Variants in TRAPPC4 observed in about 807,000 individuals in gnomAD.
TRAPPC4 encodes trafficking protein particle complex subunit 4, also known as TRS23 homolog.
TRAPPC4 carries 30 observed loss-of-function variants against 23.5 expected under a neutral mutation model. The ratio of observed to expected loss-of-function variants is 1.28; its 90% CI spans 0.96 to 1.73. The LOEUF (loss-of-function observed/expected upper bound fraction) is 1.73. TRAPPC4 is among the 40% of genes most tolerant of loss of function. The pLI is 0.00. For synonymous variants in TRAPPC4, 129 were observed against 105.3 expected, an observed-to-expected ratio of 1.23 and a Z score of -1.38; for missense variants, 252 against 268.9, an observed-to-expected ratio of 0.94 and a Z score of 0.44.
chr11:119,021,865 A>G lies in TRAPPC4; in HGVS notation c.560A>G (p.Tyr187Cys), dbSNP rs782784403. The G allele has an allele frequency of 1.1e-5, 18 of 1,614,060 alleles. No individual in the cohort carries two copies. Among genetic ancestry groups the G allele is most frequent in the South Asian group, 3.3e-5 (3 of 91,088 alleles). ...YSDFALKNPF[Y>C]SLEMPIRCEL... The stretch of plus-strand genomic sequence containing the variant: ...GACTTTGCCCTCAAGAATCCATTCT[A>G]TTCCTTAGAAATGCCTATCAGGTAA... Residue 187 changes from tyrosine (Y) to cysteine (C), a missense_variant, in exon 4 of 5, where the codon TAT becomes TGT. Tyr to Cys is a radical substitution (Grantham distance 194). Coordinates refer to ENST00000533632, the MANE Select transcript of TRAPPC4 (RefSeq NM_016146.6).
chr11:119,023,474 A>G lies in TRAPPC4; in HGVS notation c.*75A>G. The stretch of plus-strand genomic sequence containing the variant: ...TACTGCTGTTGACACTCCAGTGGAA[A>G]TCCCAGCAGCCTTGTTAGTGCACTT... On this transcript the variant is annotated 3_prime_UTR_variant, in exon 5 of 5. Coordinates refer to ENST00000533632, the MANE Select transcript of TRAPPC4 (RefSeq NM_016146.6). 1 of 1,429,600 alleles carries G rather than the reference A, an allele frequency of 7.0e-7. No individual in the cohort carries two copies. The highest frequency in any genetic ancestry group is 2.3e-5 in the East Asian group (1 of 43,806). The allele number at this position is 1,429,600 out of a possible 1,614,324, so 88.6% of individuals were successfully genotyped here. A position where few individuals can be genotyped will look rare whatever the true frequency, so the allele number is the denominator to read the frequency against.
At position 119,021,783 on chromosome 11, in the gene TRAPPC4, G is replaced by C; in HGVS notation, c.478G>C (p.Asp160His). The C allele has an allele frequency of 6.2e-7, 1 of 1,614,180 alleles. No homozygotes were observed. The highest frequency in any genetic ancestry group is 2.2e-5 in the East Asian group (1 of 44,874). The stretch of plus-strand genomic sequence containing the variant: ...AGGGATCAAGTTTGTGGTTCTAGCA[G>C]ATCCTAGGCAAGCTGGAATAGATTC... ...LTGIKFVVLA[D>H]PRQAGIDSLL... Residue 160 changes from aspartate to histidine, a missense_variant, in exon 4 of 5, where the codon GAT (aspartate) becomes CAT (histidine). This residue lies in a region of TRAPPC4 where 222 missense variants were observed against 217.8 expected (regional missense o/e 1.02). Coordinates refer to ENST00000533632, the MANE Select transcript of TRAPPC4 (RefSeq NM_016146.6).
At chr11:119,023,132 T>G in intron 4 of TRAPPC4, 189 bp from the exon 5 acceptor site, 3 of 467,424 alleles carry the variant, frequency 6.4e-6, no homozygotes, top group Non-Finnish European at 7.9e-6. Context: ...GCCTGGCTAA[T>G]TTTTGTATTT....
At chr11:119,019,025 T>C in intron 1 of TRAPPC4, 55 bp downstream of exon 1, 1 of 1,595,422 alleles carries the variant, frequency 6.3e-7, no homozygotes, top group Non-Finnish European at 8.5e-7. Flanking sequence ...CCCAGTGCTG[T>C]AGAAGTGGGC....
chr11:119,019,473 G>A, intron 2 of TRAPPC4, 156 bp downstream of exon 2: 5 of 793,084 alleles, frequency 6.3e-6, no homozygotes, highest in Non-Finnish European at 9.7e-6. Context: ...GGGAGGGGCC[G>A]CGGAGTTACC....
At chr11:119,023,212 A>T (rs1009527519) in intron 4 of TRAPPC4, 109 bp from the exon 5 acceptor site, 1 of 1,014,590 alleles carries the variant, frequency 9.9e-7, no homozygotes, top group Non-Finnish European at 1.5e-6. Flanking sequence ...TGATCCGCCC[A>T]CCTCAGCCTT....
chr11:119,022,457 G>A (rs1332262213), intron 4 of TRAPPC4, among the ~76,000 whole-genome samples: 3 of 152,228 alleles, frequency 2.0e-5, no homozygotes, highest in Non-Finnish European at 2.9e-5. Context: ...GTGTGGTGGC[G>A]GACACCTGTA....
chr11:119,019,172 A>T lies in TRAPPC4; in HGVS notation c.205A>T (p.Met69Leu), dbSNP rs782606962. 6.2e-7 allele frequency: 1 copy of T among 1,614,186 alleles called. No homozygotes were observed. Among genetic ancestry groups the T allele is most frequent in the Non-Finnish European group, 8.5e-7 (1 of 1,180,028 alleles). ...VGHAVLAING[M>L]DVNGRYTADG... is the part of the protein sequence containing the mutation. ...TCATGCAGTGCTGGCCATCAATGGCATGGACGTGAATGGCAGGTACACGGC... is the reference window on the plus strand; with the variant it reads ...TCATGCAGTGCTGGCCATCAATGGCTTGGACGTGAATGGCAGGTACACGGC... The change falls in exon 2 of 5, where the codon ATG (methionine) becomes TTG (leucine). Residue 69 changes from methionine to leucine, a missense_variant. Physicochemically the swap from Met to Leu is conservative, Grantham distance 15. Transcript: ENST00000533632.
intron 4 of TRAPPC4, 23 bp from the exon 5 acceptor site, chr11:119,023,298 T>C (rs782495737): frequency 6.2e-6 from 10 of 1,613,454 alleles, no homozygotes; most frequent in South Asian, 5.5e-5. Flanking sequence ...ACACTTTTTT[T>C]CCTCACCCTG....
At chr11:119,019,064 G>A in intron 1 of TRAPPC4, 79 bp from the exon 2 acceptor site, 1 of 1,591,226 alleles carries the variant, frequency 6.3e-7, no homozygotes. Context: ...TGGGGGAAAA[G>A]GGGTTGTGTC....
At position 119,024,036 on chromosome 11, in the gene TRAPPC4, T is replaced by TA. The variant is rs1275716309; in HGVS notation, c.*637_*638insA. On this transcript the variant is annotated 3_prime_UTR_variant, in exon 5 of 5. Coordinates refer to ENST00000533632, the MANE Select transcript of TRAPPC4 (RefSeq NM_016146.6). ...TTAGCAGACTTTCTGCCTCAAAGTTTCCAAGCTAGTTACTGACAGTCTGGG... is the reference window on the plus strand; with the variant it reads ...TTAGCAGACTTTCTGCCTCAAAGTTTACCAAGCTAGTTACTGACAGTCTGGG... The TA allele has an allele frequency of 6.5e-6, 1 of 152,736 alleles. No individual in the cohort carries two copies. The highest frequency in any genetic ancestry group is 1.5e-5 in the Non-Finnish European group (1 of 68,442). 9.5% of individuals were successfully genotyped at this position (152,736 alleles called of 1,614,324 possible).
rs188702380 is a variant in TRAPPC4 at position 119,021,149 on chromosome 11, A to C, written c.455-611A>C. The C allele has an allele frequency of 2.0e-5, 3 of 152,330 alleles. No individual in the cohort carries two copies. In the East Asian group the frequency reaches 5.8e-4, roughly 29 times the overall value. 9.4% of individuals were successfully genotyped at this position (152,330 alleles called of 1,614,324 possible). A position where few individuals can be genotyped will look rare whatever the true frequency, so the allele number is the denominator to read the frequency against. ...GGTGATCCACCTGCCTCTGCCTCCC[A>C]CAGTGCTGGGATTACAGGCATGAGC... is the stretch of plus-strand genomic sequence containing the variant. On this transcript the variant is annotated intron_variant, in intron 3 of 4. Coordinates refer to ENST00000533632, the MANE Select transcript of TRAPPC4 (RefSeq NM_016146.6).
rs946758051 is a variant in TRAPPC4, at chr11:119,023,680, C to T, written c.*281C>T. ...TTTGATCTTGGTGTTTGCAATCTGT[C>T]TTAATCGATGGTTTTGGGGGAAAGA... On this transcript the variant is annotated 3_prime_UTR_variant, in exon 5 of 5. Coordinates refer to ENST00000533632, the MANE Select transcript of TRAPPC4 (RefSeq NM_016146.6). 7.6e-6 allele frequency: 2 copies of T among 262,162 alleles called. No individual in the cohort carries two copies. The highest frequency in any genetic ancestry group is 1.4e-5 in the Non-Finnish European group (2 of 137,982). 16.2% of individuals were successfully genotyped at this position (262,162 alleles called of 1,614,324 possible). A position where few individuals can be genotyped will look rare whatever the true frequency, so the allele number is the denominator to read the frequency against.
chr11:119,019,111 AC>A, intron 1 of TRAPPC4, 31 bp from the exon 2 acceptor site: 11 of 1,605,796 alleles, frequency 6.9e-6, no homozygotes, highest in Non-Finnish European at 9.4e-6. Context: ...CCCGGGCTGC[AC>A]CTTCGCTGAC....
intron 4 of TRAPPC4, among the ~76,000 whole-genome samples, chr11:119,022,156 A>C (rs1208591625): frequency 5.9e-5 from 9 of 151,976 alleles, no homozygotes. Flanking sequence ...GGCTAATTTC[A>C]TGTTTCTAGT....
chr11:119,021,455 C>G (rs1335705323), intron 3 of TRAPPC4: 1 of 254,044 alleles, frequency 3.9e-6, no homozygotes, highest in Admixed American at 5.1e-5. Context: ...TTATTGAAAA[C>G]TGCCTGACTT....
chr11:119,021,810 C>T lies in TRAPPC4; in HGVS notation c.505C>T (p.Leu169Phe), dbSNP rs375175179. 5 of 1,614,144 alleles carry T rather than the reference C, an allele frequency of 3.1e-6. No homozygotes were observed. The South Asian group carries it at 3.3e-5, about 11-fold the overall frequency. Reference sequence around the variant, plus strand: ...TCCTAGGCAAGCTGGAATAGATTCTCTTCTCCGAAAGATTTATGAGATTTA... The same window carrying T: ...TCCTAGGCAAGCTGGAATAGATTCTTTTCTCCGAAAGATTTATGAGATTTA... Reference protein sequence around the residue: ...ADPRQAGIDSLLRKIYEIYSD... With the variant: ...ADPRQAGIDSFLRKIYEIYSD... Residue 169 changes from leucine (L) to phenylalanine (F), a missense_variant, in exon 4 of 5, where the codon CTT (leucine) becomes TTT (phenylalanine). Leu to Phe is a conservative substitution (Grantham distance 22). Transcript: ENST00000533632.
At chr11:119,020,630 C>T (rs565968174) in intron 3 of TRAPPC4, 41 of 167,226 alleles carry the variant, frequency 2.5e-4, no homozygotes, top group African/African-American at 9.4e-4. Flanking sequence ...CTCAAACTCC[C>T]GACCTCAGGT....
intron 3 of TRAPPC4, 67 bp downstream of exon 3, chr11:119,020,320 G>A (rs781882754): frequency 1.5e-6 from 2 of 1,331,288 alleles, no homozygotes; most frequent in South Asian, 2.4e-5. Flanking sequence ...TGATAAGTTT[G>A]CATCTCCAGG....
Sources: gnomAD v4.1 joint callset for allele counts (sites outside exome capture counted in the v4.1 genomes callset) on GRCh38, gnomAD v4.1.1 for gene constraint, gnomAD v4.1.1 regional missense constraint, MANE v1.5 for transcripts, NCBI Gene and HGNC (gene_info 2026-07-23, HGNC 2026-07-21) for gene names.